Variants in SSH1 observed in about 807,000 individuals in gnomAD.
The protein encoded by SSH1 is protein phosphatase Slingshot homolog 1.
In SSH1, 43 loss-of-function variants were observed where a neutral mutation model predicts 79.7. The ratio of observed to expected loss-of-function variants is 0.54; its 90% confidence interval spans 0.42 to 0.70. The LOEUF is 0.70. Ranked by LOEUF, SSH1 falls within the 30% of genes least tolerant of loss-of-function variation. The probability of loss-of-function intolerance (pLI) is 0.00; values close to 1 mark genes in which losing one functional copy is unlikely to be tolerated. For missense variants in SSH1, 1,206 were observed against 1,358.8 expected, an observed-to-expected ratio of 0.89 and a Z score of 1.77; for synonymous variants, 599 against 538.3, an observed-to-expected ratio of 1.11 and a Z score of -1.56.
chr12:108,789,313 T>G (rs182356036), intron 14 of SSH1, 69 bp from the exon 15 acceptor site: 13 of 1,506,148 alleles, frequency 8.6e-6, no homozygotes, highest in South Asian at 1.2e-5. Flanking sequence ...AACATGAGGG[T>G]GGGCAGGGAA....
Position 108,788,769 on chromosome 12 carries a change from C to T in SSH1, c.2369G>A (p.Arg790Lys). 4 of 1,614,264 alleles carry T rather than the reference C, an allele frequency of 2.5e-6. No homozygotes were observed. The highest frequency in any genetic ancestry group is 3.4e-6 in the Non-Finnish European group (4 of 1,180,050). Residue 790 changes from arginine (R) to lysine (K), a missense_variant, in exon 15 of 15, where the codon AGG (arginine) becomes AAG (lysine). Coordinates refer to ENST00000326495, the MANE Select transcript of SSH1 (RefSeq NM_018984.4). ...CTCAGATTCATTACTGAACAGAAGC[C>T]TCAGGTCCTTGGCTGGCTTCATATC... ...KKDMKPAKDL[R>K]LLFSNESEKP... is the part of the protein sequence containing the mutation.
At chr12:108,818,390 T>C in intron 3 of SSH1, 77 bp from the exon 4 acceptor site, 2 of 1,323,816 alleles carry the variant, frequency 1.5e-6, no homozygotes, top group Non-Finnish European at 1.1e-6. Context: ...AAGGCTGACT[T>C]TGAGGGCTTG....
chr12:108,814,348 C>A (rs2037783430), intron 5 of SSH1, among the ~76,000 whole-genome samples: 2 of 151,352 alleles, frequency 1.3e-5, no homozygotes, highest in African/African-American at 4.8e-5. Context: ...CTTGTCTCTT[C>A]CTTTTTTTTT....
chr12:108,815,195 G>A (rs2037827388), intron 5 of SSH1, among the ~76,000 whole-genome samples: 1 of 152,218 alleles, frequency 6.6e-6, no homozygotes, highest in Admixed American at 6.5e-5. Context: ...CCAAGTCCCA[G>A]CCCGGCCACT....
intron 3 of SSH1, among the ~76,000 whole-genome samples, chr12:108,822,860 T>C (rs1420700354): frequency 6.6e-6 from 1 of 152,212 alleles, no homozygotes; most frequent in Non-Finnish European, 1.5e-5. Context: ...TTCAAATGCT[T>C]GGAGAAATCC....
chr12:108,852,680 T>A lies in SSH1; in HGVS notation c.70-2A>T. ...ATCTTCTTCGCTGCCAGCCTCCAAC[T>A]ACAGAGAAAGAAAGAGAATATCACA... On this transcript the variant is annotated splice_acceptor_variant, in intron 1 of 14. Coordinates refer to ENST00000326495, the MANE Select transcript of SSH1 (RefSeq NM_018984.4). LOFTEE classifies it high-confidence loss of function. The A allele has an allele frequency of 1.9e-6, 3 of 1,614,074 alleles. No homozygotes were observed. Among genetic ancestry groups the A allele is most frequent in the Non-Finnish European group, 2.5e-6 (3 of 1,180,020 alleles).
chr12:108,819,649 C>G (rs1403208762), intron 3 of SSH1, among the ~76,000 whole-genome samples: 1 of 151,976 alleles, frequency 6.6e-6, no homozygotes, highest in Non-Finnish European at 1.5e-5. Context: ...GGCAACATGG[C>G]AAGACCCCAT....
chr12:108,819,072 A>G (rs746870242), intron 3 of SSH1, among the ~76,000 whole-genome samples: 3 of 151,782 alleles, frequency 2.0e-5, no homozygotes, highest in Non-Finnish European at 2.9e-5. Flanking sequence ...AAACTTCTGC[A>G]TTTTCCACTG....
chr12:108,803,554 GA>G (rs1252372280), intron 10 of SSH1, among the ~76,000 whole-genome samples: 1 of 152,160 alleles, frequency 6.6e-6, no homozygotes, highest in Non-Finnish European at 1.5e-5. Flanking sequence ...GACACTAGCT[GA>G]ATTTTCATAT....
Position 108,802,436 on chromosome 12 carries a change from A to T in SSH1, c.955-68T>A, listed in dbSNP as rs1463453557. 12 of 1,484,322 alleles carry T rather than the reference A, an allele frequency of 8.1e-6. No homozygotes were observed. In the East Asian group the frequency reaches 2.7e-4, roughly 33 times the overall value. 91.9% of individuals were successfully genotyped at this position (1,484,322 alleles called of 1,614,324 possible). A position where few individuals can be genotyped will look rare whatever the true frequency, so the allele number is the denominator to read the frequency against. On this transcript the variant is annotated intron_variant, in intron 10 of 14. Transcript: ENST00000326495. ...AGCCTCAGAGCTGCTCAGGGGATGC[A>T]TGGTTTGCCCTAGCTCTGGCGGTGA... is the stretch of plus-strand genomic sequence containing the variant.
In SSH1 at chr12:108,807,092, T is replaced by C. The variant is rs547424526; in HGVS notation, c.731+541A>G. On this transcript the variant is annotated intron_variant, in intron 8 of 14. Coordinates refer to ENST00000326495, the MANE Select transcript of SSH1 (RefSeq NM_018984.4). This position sits in a 1 kb window ranked among gnomAD's most constrained non-coding sequence, Gnocchi z 5.2. Reference sequence around the variant, plus strand: ...AGGGGCGACCAGCATTCTCCCTAACTAGACTTCAGCGAGTGTGGCCTCTCC... The same window carrying C: ...AGGGGCGACCAGCATTCTCCCTAACCAGACTTCAGCGAGTGTGGCCTCTCC... Among the ~76,000 whole-genome samples, 2 of 152,192 alleles carry C rather than the reference T, an allele frequency of 1.3e-5. No homozygotes were observed. The highest frequency in any genetic ancestry group is 2.9e-5 in the Non-Finnish European group (2 of 68,034).
intron 6 of SSH1, 87 bp downstream of exon 6, chr12:108,811,173 A>C (rs1225197364): frequency 1.7e-6 from 2 of 1,207,734 alleles, no homozygotes; most frequent in African/African-American, 3.0e-5. Context: ...ATTCAGTGCT[A>C]ATGATCATCC....
At chr12:108,852,786 A>G (rs2039070668) in intron 1 of SSH1, 108 bp from the exon 2 acceptor site, 2 of 1,597,722 alleles carry the variant, frequency 1.3e-6, no homozygotes, top group Non-Finnish European at 1.7e-6. Flanking sequence ...AAAGATATCC[A>G]GGAAACCTAG....
intron 3 of SSH1, among the ~76,000 whole-genome samples, 170 bp downstream of exon 3, chr12:108,823,088 C>T (rs1041113608): frequency 6.6e-5 from 10 of 152,202 alleles, no homozygotes; most frequent in Admixed American, 3.9e-4. Flanking sequence ...GGAAAATGTG[C>T]GTGGTCTGCT....
chr12:108,857,294 C>T lies in SSH1; in HGVS notation c.69+134G>A. The stretch of plus-strand genomic sequence containing the variant: ...GCACGGTCACCCCGGTCCGGCTGCC[C>T]GGCTCTGTTCCTACGGCGGGGCCCC... On this transcript the variant is annotated intron_variant, in intron 1 of 14. Coordinates refer to ENST00000326495, the MANE Select transcript of SSH1 (RefSeq NM_018984.4). The surrounding 1 kb of genome is among the most constrained non-coding windows in gnomAD (Gnocchi z 4.7). The T allele has an allele frequency of 3.0e-6, 1 of 335,186 alleles. No homozygotes were observed. The highest frequency in any genetic ancestry group is 4.2e-6 in the Non-Finnish European group (1 of 235,506). 20.8% of individuals were successfully genotyped at this position (335,186 alleles called of 1,614,324 possible).
chr12:108,815,337 G>C (rs1434076065), intron 5 of SSH1, among the ~76,000 whole-genome samples: 1 of 152,216 alleles, frequency 6.6e-6, no homozygotes, highest in Admixed American at 6.5e-5. Flanking sequence ...GCATTTTGTA[G>C]GTGTGCTGTA....
chr12:108,848,854 C>T (rs538660124), intron 2 of SSH1, among the ~76,000 whole-genome samples: 2 of 151,890 alleles, frequency 1.3e-5, no homozygotes, highest in East Asian at 1.9e-4. Context: ...GACCTGCTGA[C>T]AGTGGCACGG....
At chr12:108,853,267 GAA>G (rs2039081048) in intron 1 of SSH1, 4 of 984,996 alleles carry the variant, frequency 4.1e-6, no homozygotes, top group Non-Finnish European at 4.8e-6. Flanking sequence ...ATAAATGCAA[GAA>G]AGAGATATTT....
In SSH1 at chr12:108,788,375, G is replaced by A. The variant is rs751151121; in HGVS notation, c.2763C>T (p.Tyr921=). The A allele has an allele frequency of 1.4e-5, 22 of 1,612,594 alleles. No individual in the cohort carries two copies. The highest frequency in any genetic ancestry group is 1.7e-5 in the Non-Finnish European group (20 of 1,179,812). Residue 921 remains tyrosine (Y), a synonymous_variant, in exon 15 of 15, where the codon TAC becomes TAT. Transcript: ENST00000326495. ...AGCTCATGGAAGAGGAGGTGGGGGTGTAGCAGATGGTCTTCAGAAAGTCTT... is the reference window on the plus strand; with the variant it reads ...AGCTCATGGAAGAGGAGGTGGGGGTATAGCAGATGGTCTTCAGAAAGTCTT... The part of the protein sequence containing the change: ...FSKDFLKTIC[Y]TPTSSSMSSN...
Sources: gnomAD v4.1 joint callset for allele counts (sites outside exome capture counted in the v4.1 genomes callset) on GRCh38, gnomAD v4.1.1 for gene constraint, Gnocchi (gnomAD v3.1) non-coding constraint, MANE v1.5 for transcripts, NCBI Gene and HGNC (gene_info 2026-07-23, HGNC 2026-07-21) for gene names.